FSHR: variants seen among roughly 807,000 people sequenced by gnomAD.
FSHR encodes follicle stimulating hormone receptor, also known as follicle-stimulating hormone receptor.
In FSHR, 46 loss-of-function variants were observed where a neutral mutation model predicts 52.1. The observed-to-expected ratio is 0.88, with a 90% CI of 0.70 to 1.13. The LOEUF is 1.13. FSHR is among the 50% of genes most tolerant of loss of function. The pLI is 0.00. For missense variants in FSHR, 964 were observed against 834.6 expected (o/e 1.16, Z -1.91); for synonymous variants, 399 against 309.6 (o/e 1.29, Z -3.03).
chr2:49,013,960 C>G (rs1667391603), intron 4 of FSHR, among the ~76,000 whole-genome samples: 2 of 151,886 alleles, frequency 1.3e-5, no homozygotes, highest in African/African-American at 4.8e-5. Flanking sequence ...GTATATGCAC[C>G]AAGGTAAGGC....
chr2:49,012,310 A>G (rs1303128870), intron 4 of FSHR, among the ~76,000 whole-genome samples: 2 of 152,218 alleles, frequency 1.3e-5, no homozygotes, highest in African/African-American at 4.8e-5. Flanking sequence ...CAGTAAAGAA[A>G]GAAATATTGC....
At chr2:48,965,128 G>A (rs934394545) in intron 9 of FSHR, among the ~76,000 whole-genome samples, 1 of 152,194 alleles carries the variant, frequency 6.6e-6, no homozygotes, top group African/African-American at 2.4e-5. Flanking sequence ...GGCGAAGTAA[G>A]TATCAAACCT....
intron 2 of FSHR, among the ~76,000 whole-genome samples, chr2:49,041,018 A>G (rs1306001068): frequency 6.6e-6 from 1 of 152,208 alleles, no homozygotes; most frequent in Non-Finnish European, 1.5e-5. Context: ...TACCTGAGCT[A>G]AACATTCAGA....
chr2:48,962,490 A>T lies in FSHR; in HGVS notation c.*243T>A. On this transcript the variant is annotated 3_prime_UTR_variant, in exon 10 of 10. Transcript: ENST00000406846. ...TTTGAACATAACGTGCAAAAATAACATATATAAGGATAAAATATGTAATAC... is the reference window on the plus strand; with the variant it reads ...TTTGAACATAACGTGCAAAAATAACTTATATAAGGATAAAATATGTAATAC... 2.0e-6 allele frequency: 1 copy of T among 501,850 alleles called. No homozygotes were observed. Among genetic ancestry groups the T allele is most frequent in the South Asian group, 2.2e-5 (1 of 46,130 alleles). 31.1% of individuals were successfully genotyped at this position (501,850 alleles called of 1,614,324 possible).
intron 4 of FSHR, among the ~76,000 whole-genome samples, chr2:49,012,875 A>G (rs1393123082): frequency 6.6e-6 from 1 of 152,134 alleles, no homozygotes; most frequent in Non-Finnish European, 1.5e-5. Flanking sequence ...AAGATATGCT[A>G]TGGACTGAAC....
chr2:49,040,488 G>A (rs1668444883), intron 2 of FSHR, among the ~76,000 whole-genome samples: 1 of 152,164 alleles, frequency 6.6e-6, no homozygotes, highest in Non-Finnish European at 1.5e-5. Flanking sequence ...ACCATATGAA[G>A]GCAAGGAACT....
At chr2:48,987,686 G>A (rs1675574042) in intron 6 of FSHR, among the ~76,000 whole-genome samples, 4 of 151,872 alleles carry the variant, frequency 2.6e-5, no homozygotes, top group South Asian at 2.1e-4. Context: ...TTTAACCCTC[G>A]CATCACAGAC....
chr2:49,079,935 T>G (rs1194118866), intron 1 of FSHR, among the ~76,000 whole-genome samples: 2 of 152,114 alleles, frequency 1.3e-5, no homozygotes, highest in South Asian at 2.1e-4. Context: ...TGTGTAAGCG[T>G]TAGACTGGAG....
intron 1 of FSHR, among the ~76,000 whole-genome samples, chr2:49,117,331 C>A (rs1007705756): frequency 1.3e-5 from 2 of 152,170 alleles, no homozygotes; most frequent in African/African-American, 4.8e-5. Flanking sequence ...TAGGGGGAAC[C>A]TCTCTAGTGA....
At chr2:49,153,811 C>G (rs1421232578) in intron 1 of FSHR, among the ~76,000 whole-genome samples, 1 of 152,128 alleles carries the variant, frequency 6.6e-6, no homozygotes, top group East Asian at 1.9e-4. Context: ...TTTGCTGCTG[C>G]CTTCAAAACG....
At chr2:48,978,317 C>G (rs1366918052) in intron 8 of FSHR, among the ~76,000 whole-genome samples, 2 of 152,204 alleles carry the variant, frequency 1.3e-5, no homozygotes, top group East Asian at 3.8e-4. Context: ...AGTGAGAGCA[C>G]ATTTCTGGTG....
intron 4 of FSHR, among the ~76,000 whole-genome samples, chr2:49,004,386 A>G (rs1280371240): frequency 1.3e-5 from 2 of 152,146 alleles, no homozygotes; most frequent in Non-Finnish European, 2.9e-5. Flanking sequence ...GGGGAAGAGG[A>G]GCTGGGAAGT....
rs545009172 is a variant in FSHR, at chr2:49,100,632, G to A, written c.153-32342C>T. ...CGTGAAGATGGAAGACAAATACTAA[G>A]TAAAAGTGGAGCAGAGAGAGGGATA... On this transcript the variant is annotated intron_variant, in intron 1 of 9. Transcript: ENST00000406846. Among the ~76,000 whole-genome samples the A allele has an allele frequency of 2.6e-5, 4 of 152,324 alleles. No homozygotes were observed. The East Asian group carries it at 7.7e-4, about 29-fold the overall frequency.
rs566581958 is a variant in FSHR, at chr2:49,064,072, G to GTGTGTC, written c.224+4146_224+4147insGACACA. 9.2e-3 allele frequency among the ~76,000 whole-genome samples: 1,393 copies of GTGTGTC among 151,930 alleles called. 13 individuals carry two copies. Among genetic ancestry groups the GTGTGTC allele is most frequent in the African/African-American group, 0.032 (1,330 of 41,466 alleles). ...TAAGGCATGAAGAGTTTGTGTGTGTGTGTGTGTGTGTGTGTTTGCACATGC... is the reference window on the plus strand; with the variant it reads ...TAAGGCATGAAGAGTTTGTGTGTGTGTGTGTCTGTGTGTGTGTGTGTTTGCACATGC... On this transcript the variant is annotated intron_variant, in intron 2 of 9. Transcript: ENST00000406846.
chr2:49,034,951 G>T (rs1162038814), intron 2 of FSHR, among the ~76,000 whole-genome samples: 1 of 152,164 alleles, frequency 6.6e-6, no homozygotes. Context: ...AGCCAGCAAA[G>T]GTGTTTTATT....
intron 2 of FSHR, among the ~76,000 whole-genome samples, chr2:49,048,598 T>C (rs1471571918): frequency 6.6e-6 from 1 of 152,224 alleles, no homozygotes; most frequent in Non-Finnish European, 1.5e-5. Context: ...TACGTGTTTA[T>C]AAAACATTTG....
chr2:49,072,477 A>G (rs979849169), intron 1 of FSHR, among the ~76,000 whole-genome samples: 2 of 152,168 alleles, frequency 1.3e-5, no homozygotes, highest in Non-Finnish European at 2.9e-5. Flanking sequence ...ACAATAAACT[A>G]CTAAAAGAAA....
At chr2:49,119,122 G>A (rs951429702) in intron 1 of FSHR, among the ~76,000 whole-genome samples, 6 of 152,146 alleles carry the variant, frequency 3.9e-5, no homozygotes, top group South Asian at 2.1e-4. Context: ...GACACATGAC[G>A]TGGACCCCGG....
intron 1 of FSHR, among the ~76,000 whole-genome samples, chr2:49,140,617 T>G (rs570377157): frequency 2.0e-5 from 3 of 152,048 alleles, no homozygotes; most frequent in Admixed American, 6.5e-5. Flanking sequence ...GGAGAATCAC[T>G]TGAACCCAAG....
Sources: allele counts gnomAD v4.1 joint callset (sites outside exome capture counted in the v4.1 genomes callset), GRCh38; gene constraint gnomAD v4.1.1; transcripts MANE v1.5; gene names NCBI Gene and HGNC (gene_info 2026-07-23, HGNC 2026-07-21).